EYS: variants seen among roughly 807,000 people sequenced by gnomAD.
EYS encodes protein eyes shut homolog.
EYS carries 250 observed loss-of-function variants against 282.1 expected under a neutral mutation model. That is an observed-to-expected ratio of 0.89 (90% CI 0.80 to 0.98). EYS has a LOEUF of 0.98. EYS is among the 50% of genes least tolerant of loss of function. EYS has a pLI of 0.00. For synonymous variants in EYS, 1,355 were observed against 1,282.9 expected, an observed-to-expected ratio of 1.06 and a Z score of -1.20; for missense variants, 4,016 against 3,709.0, an observed-to-expected ratio of 1.08 and a Z score of -2.15.
chr6:63,967,980 A>G (rs1225939984), intron 35 of EYS, among the ~76,000 whole-genome samples: 1 of 152,032 alleles, frequency 6.6e-6, no homozygotes. Flanking sequence ...TAAAAAAATC[A>G]CTCAACAGTG....
At chr6:65,019,513 A>G (rs1054380681) in intron 13 of EYS, among the ~76,000 whole-genome samples, 1 of 152,184 alleles carries the variant, frequency 6.6e-6, no homozygotes, top group Non-Finnish European at 1.5e-5. Flanking sequence ...TCTGATACCT[A>G]ACATAGAGAT....
intron 5 of EYS, among the ~76,000 whole-genome samples, chr6:65,465,757 G>T (rs1378999606): frequency 6.6e-6 from 1 of 152,032 alleles, no homozygotes; most frequent in African/African-American, 2.4e-5. Context: ...CAAGGCAGGA[G>T]GATCACTTGA....
chr6:65,272,473 G>A (rs1432605461), intron 12 of EYS, among the ~76,000 whole-genome samples: 1 of 152,074 alleles, frequency 6.6e-6, no homozygotes, highest in Non-Finnish European at 1.5e-5. Flanking sequence ...TGAGGGTAGA[G>A]TTTAGCCAGG....
At chr6:65,689,463 A>T (rs1582606132) in intron 1 of EYS, among the ~76,000 whole-genome samples, 1 of 149,680 alleles carries the variant, frequency 6.7e-6, no homozygotes, top group South Asian at 2.1e-4. Context: ...AACATGGCAC[A>T]TGTATACGTA....
chr6:64,590,647 A>C lies in EYS; in HGVS notation c.5220T>G (p.Ser1740Arg). Residue 1740 changes from serine to arginine, a missense_variant, in exon 26 of 43, where the codon AGT becomes AGG. By Grantham distance (110) the Ser-to-Arg change is moderately radical. Coordinates refer to ENST00000503581, the MANE Select transcript of EYS (RefSeq NM_001142800.2). Reference sequence around the variant, plus strand: ...TTAACTCAAAATCCAGAGAACTATCACTTGGGTGAAGTTTGAACAGTGTAT... The same window carrying C: ...TTAACTCAAAATCCAGAGAACTATCCCTTGGGTGAAGTTTGAACAGTGTAT... The part of the protein sequence containing the change: ...GSHTLFKLHP[S>R]DSSLDFELNL... The C allele has an allele frequency of 4.5e-6, 7 of 1,551,284 alleles. No individual in the cohort carries two copies. The highest frequency in any genetic ancestry group is 6.1e-6 in the Non-Finnish European group (7 of 1,146,732).
intron 12 of EYS, among the ~76,000 whole-genome samples, chr6:65,145,515 A>C (rs1479742516): frequency 4.3e-5 from 5 of 115,770 alleles, no homozygotes; most frequent in Non-Finnish European, 7.2e-5. Flanking sequence ...TGTAAGAGGA[A>C]AAAAAAAAAG....
At chr6:64,027,401 C>T (rs1769575843) in intron 33 of EYS, among the ~76,000 whole-genome samples, 1 of 152,132 alleles carries the variant, frequency 6.6e-6, no homozygotes, top group Admixed American at 6.5e-5. Flanking sequence ...AAGTTTATTA[C>T]CCAATCAGCC....
chr6:63,970,614 G>T (rs1766522175), intron 35 of EYS, among the ~76,000 whole-genome samples: 1 of 148,904 alleles, frequency 6.7e-6, no homozygotes, highest in Admixed American at 6.7e-5. Flanking sequence ...CAGCCTGGGG[G>T]CCAGAGCAAG....
At chr6:63,797,362 G>T (rs190571369) in intron 37 of EYS, 2 of 152,290 alleles carry the variant, frequency 1.3e-5, no homozygotes, top group East Asian at 3.9e-4. Context: ...TGAGAAACAA[G>T]ACCCAAACGA....
At chr6:65,429,792 G>T (rs900076629) in intron 5 of EYS, among the ~76,000 whole-genome samples, 1 of 150,900 alleles carries the variant, frequency 6.6e-6, no homozygotes, top group African/African-American at 2.4e-5. Context: ...TCAGGCTAAT[G>T]AAAATGTCTT....
At chr6:65,434,373 T>G (rs948963040) in intron 5 of EYS, among the ~76,000 whole-genome samples, 2 of 150,554 alleles carry the variant, frequency 1.3e-5, no homozygotes. Context: ...CAGGCTGGAG[T>G]GCAGTGGTGC....
intron 35 of EYS, 53 bp from the exon 36 acceptor site, chr6:63,864,411 C>T (rs1772622550): frequency 6.6e-6 from 9 of 1,362,946 alleles, no homozygotes; most frequent in Non-Finnish European, 8.2e-6. Context: ...ATATTTTCTA[C>T]ACACATACAC....
intron 22 of EYS, among the ~76,000 whole-genome samples, chr6:64,731,339 AAAAAAAC>A (rs1420493662): frequency 2.6e-5 from 4 of 152,094 alleles, no homozygotes; most frequent in Non-Finnish European, 5.9e-5. Context: ...ACAAACAAAC[AAAAAAAC>A]AAAAAACAAA....
At chr6:65,687,117 G>C (rs1769050327) in intron 1 of EYS, among the ~76,000 whole-genome samples, 1 of 151,930 alleles carries the variant, frequency 6.6e-6, no homozygotes, top group African/African-American at 2.4e-5. Context: ...TGTTCTTCTT[G>C]TGTTTTTGAA....
chr6:64,948,450 AT>A (rs1333556835), intron 14 of EYS, among the ~76,000 whole-genome samples: 3 of 147,356 alleles, frequency 2.0e-5, no homozygotes, highest in African/African-American at 7.4e-5. Flanking sequence ...TAAATATTGT[AT>A]TTAATATTAT....
intron 26 of EYS, among the ~76,000 whole-genome samples, chr6:64,523,410 C>T (rs1223553959): frequency 6.6e-6 from 1 of 151,738 alleles, no homozygotes; most frequent in Non-Finnish European, 1.5e-5. Context: ...TCCATAAAGC[C>T]ATGTGACTGT....
intron 22 of EYS, among the ~76,000 whole-genome samples, chr6:64,675,894 G>A (rs1042063003): frequency 6.6e-6 from 1 of 150,404 alleles, no homozygotes; most frequent in Admixed American, 6.6e-5. Flanking sequence ...GAAACTTTTA[G>A]ACATGTTGAG....
chr6:63,760,917 T>C (rs528969634), intron 41 of EYS, among the ~76,000 whole-genome samples: 1 of 152,138 alleles, frequency 6.6e-6, no homozygotes, highest in East Asian at 1.9e-4. Flanking sequence ...CTAAAAGCTA[T>C]TCCTTTGGGA....
Position 64,734,278 on chromosome 6 carries a change from C to T in EYS, c.3443+79100G>A, listed in dbSNP as rs375294960. ...TAACCTTTACTTCTAAGAAACATTC[C>T]TTTTATTATCCATGTAAGTTATCTA... On this transcript the variant is annotated intron_variant, in intron 22 of 42. Coordinates refer to ENST00000503581, the MANE Select transcript of EYS (RefSeq NM_001142800.2). Among the ~76,000 whole-genome samples the T allele has an allele frequency of 5.4e-4, 82 of 151,946 alleles. No homozygotes were observed. The South Asian group carries it at 0.017, about 31-fold the overall frequency.
Sources: allele counts gnomAD v4.1 joint callset (sites outside exome capture counted in the v4.1 genomes callset), GRCh38; gene constraint gnomAD v4.1.1; transcripts MANE v1.5; gene names NCBI Gene and HGNC (gene_info 2026-07-23, HGNC 2026-07-21).